The following ADAMTS6 variants were observed in gnomAD, a reference collection of about 807,000 sequenced individuals.
The protein encoded by ADAMTS6 is ADAM metallopeptidase with thrombospondin type 1 motif 6.
A neutral mutation model predicts 144.3 loss-of-function variants in ADAMTS6; 23 were observed. That is an observed-to-expected ratio of 0.16 (90% CI 0.11 to 0.23). ADAMTS6 has a LOEUF of 0.23. Among genes scored for constraint, ADAMTS6 ranks in the 10% least tolerant of loss-of-function variants. The pLI, the probability that ADAMTS6 is intolerant of heterozygous loss-of-function variation, is 1.00. For synonymous variants in ADAMTS6, 444 were observed against 457.5 expected, an observed-to-expected ratio of 0.97 and a Z score of 0.38; for missense variants, 999 against 1,379.6, an observed-to-expected ratio of 0.72 and a Z score of 4.37.
chr5:65,219,975 GA>G (rs1165712032), intron 18 of ADAMTS6, among the ~76,000 whole-genome samples: 1 of 152,058 alleles, frequency 6.6e-6, no homozygotes, highest in Non-Finnish European at 1.5e-5. Flanking sequence ...CAGCAAATAA[GA>G]ATATAAAAAA....
chr5:65,175,268 G>GAC (rs1465712132), intron 22 of ADAMTS6, among the ~76,000 whole-genome samples: 2 of 151,842 alleles, frequency 1.3e-5, no homozygotes, highest in African/African-American at 4.8e-5. Flanking sequence ...CAAGGAGAGA[G>GAC]AGAGAGAGAG....
chr5:65,322,561 GTTTTTTTT>G (rs3049530), intron 9 of ADAMTS6, among the ~76,000 whole-genome samples: 1 of 118,422 alleles, frequency 8.4e-6, no homozygotes, highest in Admixed American at 8.7e-5. Flanking sequence ...GTGGTATGTA[GTTTTTTTT>G]TTTTTTTTTT....
chr5:65,371,495 G>A (rs1277370219), intron 7 of ADAMTS6, among the ~76,000 whole-genome samples: 1 of 152,154 alleles, frequency 6.6e-6, no homozygotes, highest in Non-Finnish European at 1.5e-5. Flanking sequence ...AGGAGCCAAT[G>A]CGATCAACTG....
At chr5:65,291,024 A>C (rs561753727) in intron 11 of ADAMTS6, among the ~76,000 whole-genome samples, 1 of 152,330 alleles carries the variant, frequency 6.6e-6, no homozygotes, top group South Asian at 2.1e-4. Context: ...TAAAGCCATA[A>C]CATTTCAAAA....
At position 65,262,941 on chromosome 5, in the gene ADAMTS6, C is replaced by A; in HGVS notation, c.1642G>T (p.Val548Phe). ...EKGWCYQGDCVPFGTWPQSID... is the reference protein window; with the variant it reads ...EKGWCYQGDCFPFGTWPQSID... The stretch of plus-strand genomic sequence containing the variant: ...CTCTGGGGCCAAGTGCCAAAAGGAA[C>A]ACAATCTCCCTGATAACACCACTGC... Residue 548 changes from valine (V) to phenylalanine (F), a missense_variant, in exon 13 of 25, where the codon GTT (valine) becomes TTT (phenylalanine). Around this residue, in one of 3 missense-constraint regions of ADAMTS6, gnomAD observed 619 missense variants for 837.0 expected, o/e 0.74. Coordinates refer to ENST00000381055, the MANE Select transcript of ADAMTS6 (RefSeq NM_197941.4). 6.2e-7 allele frequency: 1 copy of A among 1,613,826 alleles called. No individual in the cohort carries two copies. The highest frequency in any genetic ancestry group is 1.3e-5 in the African/African-American group (1 of 75,040).
At chr5:65,355,349 T>G (rs1749224861) in intron 7 of ADAMTS6, among the ~76,000 whole-genome samples, 1 of 151,798 alleles carries the variant, frequency 6.6e-6, no homozygotes, top group East Asian at 1.9e-4. Flanking sequence ...GTTGGAAAAT[T>G]TATCTTCACC....
chr5:65,420,016 A>T (rs2150197068), intron 7 of ADAMTS6, among the ~76,000 whole-genome samples: 1 of 152,340 alleles, frequency 6.6e-6, no homozygotes, highest in Admixed American at 6.5e-5. Flanking sequence ...GGTTTAATTG[A>T]CTCAGAATTC....
intron 15 of ADAMTS6, among the ~76,000 whole-genome samples, chr5:65,239,160 T>G (rs1270794714): frequency 5.9e-5 from 9 of 151,558 alleles, no homozygotes; most frequent in Non-Finnish European, 1.3e-4. Context: ...GAGATATACC[T>G]AATGTAAATG....
At chr5:65,223,425 A>C (rs1273951202) in intron 18 of ADAMTS6, among the ~76,000 whole-genome samples, 1 of 152,192 alleles carries the variant, frequency 6.6e-6, no homozygotes, top group Non-Finnish European at 1.5e-5. Flanking sequence ...TGCAGAACTT[A>C]TTCCTCTTAT....
intron 7 of ADAMTS6, among the ~76,000 whole-genome samples, chr5:65,434,757 G>A (rs912755886): frequency 1.2e-4 from 18 of 152,120 alleles, no homozygotes; most frequent in African/African-American, 4.1e-4. Context: ...AGCAAGCTGG[G>A]ACAAACTGGA....
rs879392100 is a variant in ADAMTS6 at position 65,240,173 on chromosome 5, C to CT, written c.1933+1930dup. ...CTGCTCAGCAATAAAAAAGAATAAA[C>CT]TTTTTTTTTTTTAAGAGAACTCCTA... On this transcript the variant is annotated intron_variant, in intron 15 of 24. Transcript: ENST00000381055. 2.3e-3 allele frequency among the ~76,000 whole-genome samples: 340 copies of CT among 146,448 alleles called. 2 individuals are homozygous for CT. Among genetic ancestry groups the CT allele is most frequent in the African/African-American group, 6.9e-3 (278 of 40,122 alleles).
intron 8 of ADAMTS6, 149 bp downstream of exon 8, chr5:65,333,893 A>T (rs2150064730): frequency 1.1e-6 from 1 of 873,298 alleles, no homozygotes; most frequent in African/African-American, 1.8e-5. Context: ...GCTGGGTGTA[A>T]CAGGTTTTAG....
intron 7 of ADAMTS6, among the ~76,000 whole-genome samples, chr5:65,374,334 C>T (rs374451911): frequency 2.0e-4 from 30 of 150,656 alleles, no homozygotes; most frequent in African/African-American, 6.4e-4. Context: ...TGTTTGCAGA[C>T]GACATGATTG....
chr5:65,398,836 GAAAGAAAGAA>G (rs1421018357), intron 7 of ADAMTS6, among the ~76,000 whole-genome samples: 6 of 131,556 alleles, frequency 4.6e-5, no homozygotes, highest in Non-Finnish European at 9.7e-5. Context: ...AAGAAAGAAA[GAAAGAAAGAA>G]AGAAAAAGAA....
At chr5:65,434,239 G>A (rs1033515030) in intron 7 of ADAMTS6, among the ~76,000 whole-genome samples, 1 of 152,168 alleles carries the variant, frequency 6.6e-6, no homozygotes, top group Non-Finnish European at 1.5e-5. Context: ...TGGTTTCCTA[G>A]AACTGGGGAA....
Position 65,466,327 on chromosome 5 carries a change from A to G in ADAMTS6, c.462+4451T>C, listed in dbSNP as rs531542965. On this transcript the variant is annotated intron_variant, in intron 3 of 24. Coordinates refer to ENST00000381055, the MANE Select transcript of ADAMTS6 (RefSeq NM_197941.4). ...GCTGTTCCTCAAACACTCTAAGATC[A>G]TATCTTTGTACTTTAAAATTTCTAC... 8.7e-4 allele frequency among the ~76,000 whole-genome samples: 132 copies of G among 152,230 alleles called. 2 individuals are homozygous for G. In the South Asian group the frequency reaches 8.9e-3, roughly 10 times the overall value.
chr5:65,189,861 G>A (rs576517757), intron 21 of ADAMTS6, among the ~76,000 whole-genome samples: 1 of 152,278 alleles, frequency 6.6e-6, no homozygotes, highest in African/African-American at 2.4e-5. Flanking sequence ...GGGATCACAA[G>A]ACATTTTCTT....
rs1384467152 is a variant in ADAMTS6 at position 65,332,312 on chromosome 5, T to TATAGAGAG, written c.1117+1729_1117+1730insCTCTCTAT. Among the ~76,000 whole-genome samples, 279 of 102,064 alleles carry TATAGAGAG rather than the reference T, an allele frequency of 2.7e-3. 1 individual carries two copies. The highest frequency in any genetic ancestry group is 4.4e-3 in the Non-Finnish European group (206 of 47,154). 67.0% of individuals were successfully genotyped at this position (102,064 alleles called of 152,430 possible). On this transcript the variant is annotated intron_variant, in intron 8 of 24. Transcript: ENST00000381055. ...GTATATATATATATATATATATATATAGAGAGAGAGAGAGAGAGAGAGAGA... is the reference window on the plus strand; with the variant it reads ...GTATATATATATATATATATATATATATAGAGAGAGAGAGAGAGAGAGAGAGAGAGAGA...
chr5:65,260,532 T>G, intron 14 of ADAMTS6, 68 bp downstream of exon 14: 1 of 1,305,668 alleles, frequency 7.7e-7, no homozygotes, highest in East Asian at 2.4e-5. Context: ...AGTTTAAAAT[T>G]AAAAAAATTT....
Sources: allele counts gnomAD v4.1 joint callset (sites outside exome capture counted in the v4.1 genomes callset), GRCh38; gene constraint gnomAD v4.1.1; regional missense constraint gnomAD v4.1.1; transcripts MANE v1.5; gene names NCBI Gene and HGNC (gene_info 2026-07-23, HGNC 2026-07-21).